The following MECOM variants were observed in gnomAD, a reference collection of about 807,000 sequenced individuals.
The protein encoded by MECOM is histone-lysine N-methyltransferase MECOM.
Under a neutral mutation model 116.3 loss-of-function variants are expected in MECOM, and 13 were observed. That is an observed-to-expected ratio of 0.11 (90% confidence interval 0.07 to 0.18). The LOEUF is 0.18. Ranked by LOEUF, MECOM falls within the 10% of genes least tolerant of loss-of-function variation. The pLI is 1.00. For missense variants in MECOM, 1,299 were observed against 1,509.0 expected (o/e 0.86, Z 2.31); for synonymous variants, 528 against 535.2 (o/e 0.99, Z 0.19).
At chr3:169,420,829 C>T (rs995557557) in intron 1 of MECOM, among the ~76,000 whole-genome samples, 1 of 152,094 alleles carries the variant, frequency 6.6e-6, no homozygotes, top group African/African-American at 2.4e-5. Flanking sequence ...TTTAACTGAA[C>T]ATGAACATGC....
At chr3:169,130,350 C>A (rs1269048072) in intron 4 of MECOM, among the ~76,000 whole-genome samples, 1 of 152,146 alleles carries the variant, frequency 6.6e-6, no homozygotes, top group African/African-American at 2.4e-5. Context: ...TTGGGCCAGA[C>A]ACCCTCTTCA....
chr3:169,128,286 A>G (rs1034408191), intron 4 of MECOM, among the ~76,000 whole-genome samples: 6 of 152,244 alleles, frequency 3.9e-5, no homozygotes, highest in Non-Finnish European at 7.3e-5. Flanking sequence ...CCTGATCAGT[A>G]AAACTTTTTG....
At chr3:169,341,784 CACA>C (rs2149791689) in intron 2 of MECOM, among the ~76,000 whole-genome samples, 2 of 150,348 alleles carry the variant, frequency 1.3e-5, no homozygotes, top group South Asian at 2.1e-4. Context: ...TGTTTGATAG[CACA>C]ACAAGGTGTC....
chr3:169,162,828 A>AAAT (rs1386252728), intron 2 of MECOM, among the ~76,000 whole-genome samples: 7 of 152,188 alleles, frequency 4.6e-5, no homozygotes, highest in Non-Finnish European at 8.8e-5. Context: ...GAAAATTTAG[A>AAAT]AATAATTCTT....
At chr3:169,434,551 A>C (rs1229419130) in intron 1 of MECOM, among the ~76,000 whole-genome samples, 1 of 152,202 alleles carries the variant, frequency 6.6e-6, no homozygotes, top group Non-Finnish European at 1.5e-5. Flanking sequence ...AGAAGAAAGA[A>C]TCATGGACTA....
intron 1 of MECOM, among the ~76,000 whole-genome samples, chr3:169,510,517 TCA>T (rs1183964975): frequency 6.6e-6 from 1 of 152,200 alleles, no homozygotes; most frequent in African/African-American, 2.4e-5. Flanking sequence ...AGCTGACATC[TCA>T]CAGGCCATTC....
In MECOM at chr3:169,267,895, TACTC is replaced by T. The variant is rs1221284724; in HGVS notation, c.375+113288_375+113291del. Reference sequence around the variant, plus strand: ...AGAGAAGACTCCCATAATTTTGTCTTACTCACCCACTTAAAGAATTTACATTAAG... The same window carrying T: ...AGAGAAGACTCCCATAATTTTGTCTTACCCACTTAAAGAATTTACATTAAG... On this transcript the variant is annotated intron_variant, in intron 2 of 16. Coordinates refer to ENST00000651503, the MANE Select transcript of MECOM (RefSeq NM_004991.4). Among the ~76,000 whole-genome samples the T allele has an allele frequency of 3.3e-5, 5 of 152,260 alleles. No individual in the cohort carries two copies. In the East Asian group the frequency reaches 9.6e-4, roughly 29 times the overall value.
intron 5 of MECOM, among the ~76,000 whole-genome samples, chr3:169,126,043 A>T (rs771950679): frequency 6.6e-6 from 1 of 152,128 alleles, no homozygotes; most frequent in Admixed American, 6.5e-5. Flanking sequence ...TTAGCATTCA[A>T]TTGCATAGTG....
chr3:169,230,645 AG>A (rs1181020148), intron 2 of MECOM, among the ~76,000 whole-genome samples: 1 of 152,208 alleles, frequency 6.6e-6, no homozygotes, highest in African/African-American at 2.4e-5. Flanking sequence ...AAGAACCCAC[AG>A]CAGTAGGAAT....
chr3:169,227,181 A>G (rs1560017605), intron 2 of MECOM, among the ~76,000 whole-genome samples: 1 of 152,192 alleles, frequency 6.6e-6, no homozygotes, highest in Non-Finnish European at 1.5e-5. Context: ...GCAAGAGCTC[A>G]CTAATGGGAA....
intron 1 of MECOM, among the ~76,000 whole-genome samples, chr3:169,594,154 C>CT (rs1766795760): frequency 2.2e-5 from 1 of 45,730 alleles, no homozygotes; most frequent in Admixed American, 2.1e-4. Flanking sequence ...ACCACCACCA[C>CT]AAAAAAAAAA....
chr3:169,256,751 T>C (rs909099413), intron 2 of MECOM, among the ~76,000 whole-genome samples: 2 of 152,170 alleles, frequency 1.3e-5, no homozygotes, highest in African/African-American at 2.4e-5. Flanking sequence ...TCCTGAGCCA[T>C]AGGACAGGAA....
At position 169,158,561 on chromosome 3, in the gene MECOM, G is replaced by A. The variant is rs560114309; in HGVS notation, c.376-14729C>T. Among the ~76,000 whole-genome samples, 40 of 152,190 alleles carry A rather than the reference G, an allele frequency of 2.6e-4. No homozygotes were observed. In the South Asian group the frequency reaches 5.6e-3, roughly 21 times the overall value. ...TCGTGTTCCATCAAGTGTGACTCTC[G>A]GGTTTAAAGATGTGTATTTTTCACA... On this transcript the variant is annotated intron_variant, in intron 2 of 16. Transcript: ENST00000651503.
chr3:169,538,642 C>T (rs1759684191), intron 1 of MECOM, among the ~76,000 whole-genome samples: 1 of 152,172 alleles, frequency 6.6e-6, no homozygotes, highest in African/African-American at 2.4e-5. Context: ...ATCATGATCC[C>T]TCTCAGAGCC....
chr3:169,381,055 G>T, intron 2 of MECOM, 132 bp downstream of exon 2: 1 of 793,604 alleles, frequency 1.3e-6, no homozygotes, highest in Non-Finnish European at 1.9e-6. Flanking sequence ...GATTGTAAAG[G>T]AAGTTTATTC....
Position 169,115,679 on chromosome 3 carries a change from C to T in MECOM, c.2193G>A (p.Lys731=), listed in dbSNP as rs1728942662. 1 of 1,614,106 alleles carries T rather than the reference C, an allele frequency of 6.2e-7. No homozygotes were observed. Among genetic ancestry groups the T allele is most frequent in the Admixed American group, 1.7e-5 (1 of 60,016 alleles). The change falls in exon 8 of 17, where the codon AAG becomes AAA. Residue 731 remains lysine, a synonymous_variant. Transcript: ENST00000651503. ...KMEPQSPGEV[K]KLQKGSSESP... ...ACTCAGAGCTGCCCTTCTGCAGTTT[C>T]TTTACTTCACCTGGTGATTGGGGTT...
chr3:169,302,148 A>G lies in MECOM; in HGVS notation c.375+79039T>C, dbSNP rs148449580. Among the ~76,000 whole-genome samples, 342 of 152,380 alleles carry G rather than the reference A, an allele frequency of 2.2e-3. 2 individuals carry two copies. The highest frequency in any genetic ancestry group is 5.5e-3 in the Admixed American group (84 of 15,306). On this transcript the variant is annotated intron_variant, in intron 2 of 16. Transcript: ENST00000651503. The stretch of plus-strand genomic sequence containing the variant: ...GGACTAGACACTCCAGCAATAGCTG[A>G]ACTTGAATATATACAATCTGTATCT...
chr3:169,613,036 CAA>C, intron 1 of MECOM, among the ~76,000 whole-genome samples: 1 of 152,308 alleles, frequency 6.6e-6, no homozygotes, highest in African/African-American at 2.4e-5. Flanking sequence ...ATCCAGCAAA[CAA>C]GAGATTACAT....
chr3:169,663,227 G>A, intron 1 of MECOM, 109 bp downstream of exon 1: 1 of 1,329,236 alleles, frequency 7.5e-7, no homozygotes, highest in Non-Finnish European at 1.1e-6. Context: ...CCTCCACCCG[G>A]GGCCCCGGCG....
Sources: gnomAD v4.1 joint callset for allele counts (sites outside exome capture counted in the v4.1 genomes callset) on GRCh38, gnomAD v4.1.1 for gene constraint, MANE v1.5 for transcripts, NCBI Gene and HGNC (gene_info 2026-07-23, HGNC 2026-07-21) for gene names.